TSPAN7: variants seen among roughly 807,000 people sequenced by gnomAD.
The protein encoded by TSPAN7 is tetraspanin 7, also known as tetraspanin-7.
In TSPAN7, 1 loss-of-function variant was observed where a neutral mutation model predicts 17.6. That is an observed-to-expected ratio of 0.06 (90% CI 0.02 to 0.27). The LOEUF (loss-of-function observed/expected upper bound fraction) is 0.27. Among genes scored for constraint, TSPAN7 ranks in the 10% least tolerant of loss-of-function variants. The pLI is 1.00. For missense variants in TSPAN7, 112 were observed against 201.7 expected (o/e 0.56, Z 2.69); for synonymous variants, 78 against 79.0 (o/e 0.99, Z 0.07).
chrX:38,585,930 A>G (rs1217628876), intron 1 of TSPAN7, among the ~76,000 whole-genome samples: 3 of 112,894 alleles, frequency 2.7e-5, no homozygotes, highest in Non-Finnish European at 3.8e-5. Context: ...TGCTGGTACC[A>G]TGTGGTACCA....
At chrX:38,645,375 T>C (rs1287137116) in intron 1 of TSPAN7, among the ~76,000 whole-genome samples, 2 of 111,881 alleles carry the variant, frequency 1.8e-5, no homozygotes, top group East Asian at 2.8e-4. Context: ...TTCCAAGAGC[T>C]CAATTTAAAA....
intron 1 of TSPAN7, among the ~76,000 whole-genome samples, chrX:38,586,704 T>C (rs1204222404): frequency 8.9e-6 from 1 of 112,174 alleles, no homozygotes; most frequent in Non-Finnish European, 1.9e-5. Flanking sequence ...AAATGACCAA[T>C]TTATGAAGTT....
intron 1 of TSPAN7, among the ~76,000 whole-genome samples, chrX:38,592,774 C>T (rs748979829): frequency 1.8e-5 from 2 of 109,969 alleles, no homozygotes; most frequent in Non-Finnish European, 3.8e-5. Flanking sequence ...TGGGGTACCA[C>T]CACACTCCAT....
chrX:38,609,276 A>G (rs1473533370), intron 1 of TSPAN7, among the ~76,000 whole-genome samples: 1 of 111,682 alleles, frequency 9.0e-6, no homozygotes, highest in Non-Finnish European at 1.9e-5. Flanking sequence ...GGGCAATATT[A>G]TTTGGAGCTG....
chrX:38,575,952 C>T (rs2069191901), intron 1 of TSPAN7, among the ~76,000 whole-genome samples: 1 of 112,081 alleles, frequency 8.9e-6, no homozygotes, highest in African/African-American at 3.2e-5. Flanking sequence ...GTCCACTAAC[C>T]ACACTTTGGG....
chrX:38,573,042 C>T (rs1380737787), intron 1 of TSPAN7, among the ~76,000 whole-genome samples: 1 of 111,620 alleles, frequency 9.0e-6, no homozygotes, highest in Non-Finnish European at 1.9e-5. Context: ...TTACCCACCT[C>T]AGTCAAGTGT....
intron 1 of TSPAN7, among the ~76,000 whole-genome samples, chrX:38,594,334 G>A (rs2069307735): frequency 9.0e-6 from 1 of 111,128 alleles, no homozygotes; most frequent in South Asian, 3.7e-4. Context: ...ATATAATTAG[G>A]TTCTTTGTTA....
chrX:38,661,035 G>A (rs1360577971), intron 1 of TSPAN7, among the ~76,000 whole-genome samples: 1 of 111,699 alleles, frequency 9.0e-6, no homozygotes, highest in Non-Finnish European at 1.9e-5. Context: ...ACAAAACAGC[G>A]TGGGCTCAAG....
intron 1 of TSPAN7, among the ~76,000 whole-genome samples, chrX:38,604,801 A>G (rs1182422660): frequency 9.0e-6 from 1 of 111,173 alleles, no homozygotes; most frequent in East Asian, 2.8e-4. Context: ...AGAACCAAAG[A>G]CAAAAACCAC....
At chrX:38,582,359 A>G (rs1331276309) in intron 1 of TSPAN7, among the ~76,000 whole-genome samples, 1 of 112,125 alleles carries the variant, frequency 8.9e-6, no homozygotes, top group Non-Finnish European at 1.9e-5. Context: ...CTTAAGTTAT[A>G]TTAGTTAATG....
intron 6 of TSPAN7, among the ~76,000 whole-genome samples, chrX:38,685,130 C>T (rs1253477812): frequency 9.0e-6 from 1 of 111,212 alleles, no homozygotes; most frequent in Non-Finnish European, 1.9e-5. Flanking sequence ...TTTTGGGGGG[C>T]CCTTGAGAAG....
chrX:38,623,111 G>T, intron 1 of TSPAN7: 2 of 329,376 alleles, frequency 6.1e-6, no homozygotes, highest in South Asian at 5.3e-5. Flanking sequence ...CACCTCACAG[G>T]GAAGTTGTGG....
At chrX:38,630,919 A>G (rs191254195) in intron 1 of TSPAN7, among the ~76,000 whole-genome samples, 31 of 112,299 alleles carry the variant, frequency 2.8e-4, no homozygotes, top group Admixed American at 2.7e-3. Flanking sequence ...TAAATCTTGA[A>G]TACTAACCTT....
Position 38,580,122 on chromosome X carries a change from A to G in TSPAN7, c.81+18495A>G, listed in dbSNP as rs749923269. ...GCCTGTGAGCTAAATCTAGCCAGCC[A>G]CCTCTTTTTGTAAATAAACTTTATG... On this transcript the variant is annotated intron_variant, in intron 1 of 7. Transcript: ENST00000378482. 1.2e-3 allele frequency among the ~76,000 whole-genome samples: 137 copies of G among 112,118 alleles called. 1 individual carries two copies. Among genetic ancestry groups the G allele is most frequent in the Non-Finnish European group, 1.9e-3 (101 of 53,239 alleles).
chrX:38,684,557 A>T (rs1021685374), intron 6 of TSPAN7, among the ~76,000 whole-genome samples: 6 of 111,435 alleles, frequency 5.4e-5, no homozygotes, highest in Non-Finnish European at 7.5e-5. Flanking sequence ...GACAAGAGCC[A>T]TGGGATGTCT....
At chrX:38,596,918 C>T (rs1258925381) in intron 1 of TSPAN7, among the ~76,000 whole-genome samples, 1 of 111,110 alleles carries the variant, frequency 9.0e-6, no homozygotes, top group Non-Finnish European at 1.9e-5. Context: ...TTTTTCCAGG[C>T]TCATGGAAGA....
At chrX:38,571,385 G>T (rs1399317940) in intron 1 of TSPAN7, among the ~76,000 whole-genome samples, 1 of 111,517 alleles carries the variant, frequency 9.0e-6, no homozygotes, top group Non-Finnish European at 1.9e-5. Context: ...GCTAAAATAT[G>T]CTCCCAGGTG....
intron 1 of TSPAN7, among the ~76,000 whole-genome samples, chrX:38,579,728 T>C (rs976933547): frequency 3.6e-5 from 4 of 111,621 alleles, no homozygotes; most frequent in African/African-American, 1.3e-4. Flanking sequence ...CAGAGAACGA[T>C]ATGATAATTT....
chrX:38,573,081 ATAAAC>A (rs780591886), intron 1 of TSPAN7, among the ~76,000 whole-genome samples: 1 of 111,981 alleles, frequency 8.9e-6, no homozygotes, highest in East Asian at 2.8e-4. Context: ...CAAGTGCATT[ATAAAC>A]TAAAGTGTGA....
Sources: gnomAD v4.1 joint callset for allele counts (sites outside exome capture counted in the v4.1 genomes callset) on GRCh38, gnomAD v4.1.1 for gene constraint, MANE v1.5 for transcripts, NCBI Gene and HGNC (gene_info 2026-07-23, HGNC 2026-07-21) for gene names.